Variants in CDH13 observed in about 807,000 individuals in gnomAD.
CDH13 encodes cadherin-13.
Under a neutral mutation model 63.8 loss-of-function variants are expected in CDH13, and 24 were observed. The ratio of observed to expected loss-of-function variants is 0.38; its 90% CI spans 0.27 to 0.53. The LOEUF is 0.53. CDH13 is among the 20% of genes least tolerant of loss of function. The pLI, the probability that CDH13 is intolerant of heterozygous loss-of-function variation, is 0.85. For missense variants in CDH13, 1,049 were observed against 903.1 expected (o/e 1.16, Z -2.07); for synonymous variants, 503 against 355.3 (o/e 1.42, Z -4.67).
rs1916408420 is a variant in CDH13, at chr16:83,032,066, T to C, written c.214T>C (p.Tyr72His). ...GCTACGCTATGAGGTCTCGAGCCCATACTTCAAGGTGAACAGCGATGGCGG... is the reference window on the plus strand; with the variant it reads ...GCTACGCTATGAGGTCTCGAGCCCACACTTCAAGGTGAACAGCGATGGCGG... ...DKLRYEVSSPYFKVNSDGGLV... is the reference protein window; with the variant it reads ...DKLRYEVSSPHFKVNSDGGLV... Residue 72 changes from tyrosine (Y) to histidine (H), a missense_variant, in exon 3 of 14, where the codon TAC becomes CAC. Physicochemically the swap from Tyr to His is moderately conservative, Grantham distance 83. Coordinates refer to ENST00000567109, the MANE Select transcript of CDH13 (RefSeq NM_001257.5). 6.2e-7 allele frequency: 1 copy of C among 1,611,102 alleles called. No homozygotes were observed. The highest frequency in any genetic ancestry group is 8.5e-7 in the Non-Finnish European group (1 of 1,178,888).
chr16:83,255,030 T>C (rs62040388), intron 5 of CDH13, among the ~76,000 whole-genome samples: 14,673 of 132,248 alleles, frequency 0.11, 821 homozygotes, highest in Middle Eastern at 0.14. Flanking sequence ...AGCTGATCAG[T>C]GCTCCTCATG....
At chr16:83,669,174 C>G (rs1301708444) in intron 8 of CDH13, among the ~76,000 whole-genome samples, 1 of 152,136 alleles carries the variant, frequency 6.6e-6, no homozygotes, top group African/African-American at 2.4e-5. Context: ...TCCCAGAAGA[C>G]CAGAGATGGA....
At chr16:83,028,938 G>T (rs572023350) in intron 2 of CDH13, among the ~76,000 whole-genome samples, 4 of 152,262 alleles carry the variant, frequency 2.6e-5, no homozygotes, top group African/African-American at 7.2e-5. Context: ...ACAGGCAAAT[G>T]GTCCAGGGTT....
chr16:82,895,528 C>G lies in CDH13; in HGVS notation c.157+37055C>G, dbSNP rs566908488. ...ATGAACCCACATTGACACACAATTA[C>G]CAACCAAAGATGCCATGCTTTATAT... is the stretch of plus-strand genomic sequence containing the variant. On this transcript the variant is annotated intron_variant, in intron 2 of 13. Transcript: ENST00000567109. 2.6e-5 allele frequency among the ~76,000 whole-genome samples: 4 copies of G among 152,286 alleles called. No individual in the cohort carries two copies. The South Asian group carries it at 6.2e-4, about 24-fold the overall frequency.
At chr16:83,139,782 C>G (rs1473990200) in intron 4 of CDH13, among the ~76,000 whole-genome samples, 1 of 152,106 alleles carries the variant, frequency 6.6e-6, no homozygotes, top group Non-Finnish European at 1.5e-5. Context: ...CCGGGTGGAT[C>G]ACCTGAGGTC....
At chr16:83,564,638 A>T (rs1316431600) in intron 7 of CDH13, among the ~76,000 whole-genome samples, 1 of 152,052 alleles carries the variant, frequency 6.6e-6, no homozygotes, top group Non-Finnish European at 1.5e-5. Flanking sequence ...CAAACTCCTG[A>T]CCTCAGGTGA....
intron 7 of CDH13, among the ~76,000 whole-genome samples, chr16:83,517,799 C>G (rs2074732969): frequency 6.6e-6 from 1 of 152,116 alleles, no homozygotes; most frequent in South Asian, 2.1e-4. Context: ...TTTGGAGGCT[C>G]TTTTTTTAGC....
At chr16:83,011,570 G>A (rs980760457) in intron 2 of CDH13, among the ~76,000 whole-genome samples, 1 of 152,186 alleles carries the variant, frequency 6.6e-6, no homozygotes, top group African/African-American at 2.4e-5. Flanking sequence ...CAACCGGGCG[G>A]TAAAACGTGG....
chr16:83,192,780 A>C (rs950794177), intron 4 of CDH13, among the ~76,000 whole-genome samples: 19 of 152,162 alleles, frequency 1.2e-4, no homozygotes, highest in Non-Finnish European at 2.4e-4. Context: ...TGATGCATGC[A>C]CCAGGCCACT....
At chr16:82,666,553 G>A (rs932866696) in intron 1 of CDH13, among the ~76,000 whole-genome samples, 2 of 152,230 alleles carry the variant, frequency 1.3e-5, no homozygotes, top group Non-Finnish European at 2.9e-5. Context: ...TTTGAAGCCA[G>A]ACTCACTTGC....
intron 6 of CDH13, among the ~76,000 whole-genome samples, chr16:83,484,017 A>T (rs554563220): frequency 6.6e-6 from 1 of 152,284 alleles, no homozygotes; most frequent in Non-Finnish European, 1.5e-5. Context: ...CAGGGCAAAG[A>T]AGCTAGGTGG....
At chr16:83,031,893 T>A (rs907276242) in intron 2 of CDH13, 117 bp from the exon 3 acceptor site, 1 of 788,420 alleles carries the variant, frequency 1.3e-6, no homozygotes, top group African/African-American at 1.7e-5. Context: ...AACGTAACAT[T>A]TGTGAACTCT....
At chr16:83,008,782 C>G (rs966951145) in intron 2 of CDH13, among the ~76,000 whole-genome samples, 1 of 152,096 alleles carries the variant, frequency 6.6e-6, no homozygotes. Context: ...ACAGATTATT[C>G]TATATTAGTC....
At chr16:83,753,584 TATCC>T (rs1394957770) in intron 11 of CDH13, among the ~76,000 whole-genome samples, 1 of 152,200 alleles carries the variant, frequency 6.6e-6, no homozygotes, top group African/African-American at 2.4e-5. Context: ...CTCTCAACTT[TATCC>T]AAAGTGAGCA....
At chr16:83,180,659 C>A (rs868751130) in intron 4 of CDH13, among the ~76,000 whole-genome samples, 1 of 152,188 alleles carries the variant, frequency 6.6e-6, no homozygotes, top group Non-Finnish European at 1.5e-5. Flanking sequence ...TATCTTGGAA[C>A]TATGCAGACT....
chr16:83,263,087 T>C (rs1351250614), intron 5 of CDH13, among the ~76,000 whole-genome samples: 1 of 152,216 alleles, frequency 6.6e-6, no homozygotes, highest in Non-Finnish European at 1.5e-5. Flanking sequence ...ATATTAGCTA[T>C]GGATATAAAC....
chr16:82,962,373 T>C (rs1907150279), intron 2 of CDH13, among the ~76,000 whole-genome samples: 1 of 152,242 alleles, frequency 6.6e-6, no homozygotes, highest in African/African-American at 2.4e-5. Context: ...TGCTGACACC[T>C]TGATTTAGGT....
At chr16:83,468,693 G>A (rs866715788) in intron 6 of CDH13, among the ~76,000 whole-genome samples, 4 of 152,070 alleles carry the variant, frequency 2.6e-5, no homozygotes, top group Non-Finnish European at 2.9e-5. Context: ...TCTTTTCACC[G>A]CCTCTCCTTC....
chr16:83,087,057 C>T (rs575870656), intron 3 of CDH13, among the ~76,000 whole-genome samples: 4 of 152,304 alleles, frequency 2.6e-5, no homozygotes, highest in East Asian at 1.9e-4. Context: ...CACAAGTCAG[C>T]AGTTGCCATT....
Sources: gnomAD v4.1 joint callset for allele counts (sites outside exome capture counted in the v4.1 genomes callset) on GRCh38, gnomAD v4.1.1 for gene constraint, MANE v1.5 for transcripts, NCBI Gene and HGNC (gene_info 2026-07-23, HGNC 2026-07-21) for gene names.